Variants in ANK2 observed in about 807,000 individuals in gnomAD.
ANK2 encodes ankyrin 2.
ANK2 carries 83 observed loss-of-function variants against 360.5 expected under a neutral mutation model. The observed-to-expected ratio is 0.23, with a 90% CI of 0.19 to 0.28. The LOEUF (loss-of-function observed/expected upper bound fraction) is 0.28. ANK2 is among the 10% of genes least tolerant of loss of function. ANK2 has a pLI of 1.00. For synonymous variants in ANK2, 1,740 were observed against 1,759.5 expected (o/e 0.99, Z 0.28); for missense variants, 4,201 against 4,795.7 (o/e 0.88, Z 3.66).
intron 40 of ANK2, among the ~76,000 whole-genome samples, chr4:113,364,165 G>T (rs11930964): frequency 0.28 from 42,108 of 152,008 alleles, 8,757 homozygotes; most frequent in African/African-American, 0.59. Context: ...CCGCCATCAC[G>T]CATTGGTTCC....
At chr4:113,077,258 A>T (rs1162790835) in intron 1 of ANK2, among the ~76,000 whole-genome samples, 1 of 152,164 alleles carries the variant, frequency 6.6e-6, no homozygotes, top group Non-Finnish European at 1.5e-5. Flanking sequence ...AATAAGATTT[A>T]AAAAGTTAAT....
chr4:113,332,285 T>C (rs1051202125), intron 28 of ANK2, among the ~76,000 whole-genome samples: 29 of 152,240 alleles, frequency 1.9e-4, no homozygotes, highest in Middle Eastern at 3.2e-3. Flanking sequence ...CTTAAAGTGC[T>C]GTGACCTTCA....
chr4:112,813,266 C>A (rs1215502123), upstream of ANK2, among the ~76,000 whole-genome samples: 2 of 148,994 alleles, frequency 1.3e-5, no homozygotes, highest in Non-Finnish European at 3.0e-5. Context: ...AAAAAAAAAT[C>A]TGGTCATTAT....
Position 113,255,821 on chromosome 4 carries a change from T to C in ANK2, c.1077T>C (p.Asp359=), listed in dbSNP as rs368291932. 2.7e-5 allele frequency: 43 copies of C among 1,614,124 alleles called. No individual in the cohort carries two copies. The African/African-American group carries it at 5.5e-4, about 21-fold the overall frequency. The change falls in exon 11 of 46, where the codon GAT becomes GAC. Residue 359 remains aspartate (D), a synonymous_variant. Transcript: ENST00000357077. ...KHLLQHKAPV[D]DVTLDYLTAL... ...TGTTACAGCACAAGGCACCTGTTGATGATGTCACCCTAGACTACCTGACAG... is the reference window on the plus strand; with the variant it reads ...TGTTACAGCACAAGGCACCTGTTGACGATGTCACCCTAGACTACCTGACAG...
intron 1 of ANK2, among the ~76,000 whole-genome samples, chr4:113,133,826 A>G (rs2096226662): frequency 6.6e-6 from 1 of 152,192 alleles, no homozygotes; most frequent in South Asian, 2.1e-4. Context: ...GAAGGAAGGA[A>G]GAGGTAAGAC....
At chr4:113,053,167 G>A (rs1580163005) in intron 1 of ANK2, among the ~76,000 whole-genome samples, 1 of 152,300 alleles carries the variant, frequency 6.6e-6, no homozygotes. Flanking sequence ...TTCAATAGGA[G>A]AACACTGAGG....
At chr4:112,721,365 C>A in the ANK2 span, among the ~76,000 whole-genome samples, 1 of 151,810 alleles carries the variant, frequency 6.6e-6, no homozygotes, top group Non-Finnish European at 1.5e-5. Context: ...CATAGTGAAA[C>A]CCTGTCTCTA....
chr4:113,114,529 C>G (rs2154367623), intron 1 of ANK2, among the ~76,000 whole-genome samples: 1 of 150,902 alleles, frequency 6.6e-6, no homozygotes, highest in South Asian at 2.1e-4. Context: ...GTAAAAGAGT[C>G]TTAGAGACTA....
chr4:113,031,928 C>G (rs1282457440), intron 2 of ANK2, among the ~76,000 whole-genome samples: 1 of 151,930 alleles, frequency 6.6e-6, no homozygotes, highest in Non-Finnish European at 1.5e-5. Flanking sequence ...TGTATTCACT[C>G]AAGTTAATCA....
rs556268369 is a variant in ANK2 at position 112,850,749 on chromosome 4, C to G, written c.-40+32485C>G. ...GCCAGGATGATCTCGATCTCCTGACCTCGTGATCCGCCCGCCTCTGCCTCC... is the reference window on the plus strand; with the variant it reads ...GCCAGGATGATCTCGATCTCCTGACGTCGTGATCCGCCCGCCTCTGCCTCC... On this transcript the variant is annotated intron_variant, in intron 1 of 30. Transcript: ENST00000503271. Among the ~76,000 whole-genome samples the G allele has an allele frequency of 2.5e-3, 383 of 151,514 alleles. 1 individual carries two copies. The highest frequency in any genetic ancestry group is 7.0e-3 in the African/African-American group (289 of 41,246).
At chr4:112,758,471 C>T in the ANK2 span, among the ~76,000 whole-genome samples, 5 of 152,070 alleles carry the variant, frequency 3.3e-5, no homozygotes, top group Non-Finnish European at 7.4e-5. Flanking sequence ...AGTGCAGCGG[C>T]TCAATTTCGG....
At chr4:113,296,742 G>T (rs2071716044) in intron 22 of ANK2, among the ~76,000 whole-genome samples, 1 of 152,116 alleles carries the variant, frequency 6.6e-6, no homozygotes, top group African/African-American at 2.4e-5. Context: ...TTGCCAGAAT[G>T]GATATCAGAA....
intron 1 of ANK2, among the ~76,000 whole-genome samples, chr4:113,103,456 G>C (rs2093207403): frequency 6.6e-6 from 1 of 152,080 alleles, no homozygotes; most frequent in Non-Finnish European, 1.5e-5. Context: ...TTTCTTTTAA[G>C]TGAGAAATGT....
chr4:112,956,237 G>C (rs1170368432), intron 2 of ANK2, among the ~76,000 whole-genome samples: 1 of 152,198 alleles, frequency 6.6e-6, no homozygotes, highest in Non-Finnish European at 1.5e-5. Flanking sequence ...ATGGCTGTAA[G>C]TTTTTGCAGG....
intron 1 of ANK2, among the ~76,000 whole-genome samples, chr4:112,820,429 C>T (rs1467673582): frequency 6.6e-6 from 1 of 152,182 alleles, no homozygotes; most frequent in Non-Finnish European, 1.5e-5. Context: ...CTGCCCAGTG[C>T]TCCTTCTGCA....
Position 112,941,160 on chromosome 4 carries a change from G to A in ANK2, c.21+36646G>A, listed in dbSNP as rs185994128. ...AGAAGAATAGTTAATATGAGAAAATGTTCATGTTATTTTGTTGCCTAAAAA... is the reference window on the plus strand; with the variant it reads ...AGAAGAATAGTTAATATGAGAAAATATTCATGTTATTTTGTTGCCTAAAAA... On this transcript the variant is annotated intron_variant, in intron 2 of 30. Transcript: ENST00000503271. Among the ~76,000 whole-genome samples, 10 of 151,688 alleles carry A rather than the reference G, an allele frequency of 6.6e-5. No individual in the cohort carries two copies. In the East Asian group the frequency reaches 1.9e-3, roughly 29 times the overall value.
At chr4:112,951,902 C>T (rs904848398) in intron 2 of ANK2, among the ~76,000 whole-genome samples, 1 of 152,178 alleles carries the variant, frequency 6.6e-6, no homozygotes, top group African/African-American at 2.4e-5. Flanking sequence ...TGTAGCAAAC[C>T]TGTGGCTGCA....
intron 2 of ANK2, among the ~76,000 whole-genome samples, chr4:112,927,382 A>T (rs2092699043): frequency 6.6e-6 from 1 of 152,116 alleles, no homozygotes; most frequent in Non-Finnish European, 1.5e-5. Flanking sequence ...CGTGACTCAG[A>T]TTTGCCTTTG....
intron 38 of ANK2, 142 bp downstream of exon 38, chr4:113,359,441 T>C: frequency 9.8e-7 from 1 of 1,016,072 alleles, no homozygotes; most frequent in Non-Finnish European, 1.4e-6. Context: ...TGTAAGCCCT[T>C]TGTGTTTTGT....
Sources: gnomAD v4.1 joint callset for allele counts (sites outside exome capture counted in the v4.1 genomes callset) on GRCh38, gnomAD v4.1.1 for gene constraint, MANE v1.5 for transcripts, NCBI Gene and HGNC (gene_info 2026-07-23, HGNC 2026-07-21) for gene names.